Variants in FBXL13 observed in about 807,000 individuals in gnomAD.
FBXL13 encodes the protein F-box and leucine-rich repeat protein 13.
Under a neutral mutation model 83.6 loss-of-function variants are expected in FBXL13, and 67 were observed. The ratio of observed to expected loss-of-function variants is 0.80; its 90% CI spans 0.66 to 0.98. The LOEUF (loss-of-function observed/expected upper bound fraction) is 0.98, where lower values mean the gene tolerates loss of function less well. FBXL13 is among the 50% of genes least tolerant of loss of function. FBXL13 has a pLI of 0.00. For synonymous variants in FBXL13, 272 were observed against 299.5 expected (o/e 0.91, Z 0.95); for missense variants, 822 against 866.5 (o/e 0.95, Z 0.64).
intron 11 of FBXL13, among the ~76,000 whole-genome samples, chr7:102,885,788 T>G (rs561002240): frequency 6.0e-4 from 91 of 152,326 alleles, no homozygotes; most frequent in African/African-American, 2.1e-3. Flanking sequence ...TTTGTGTTAA[T>G]TTTTATACAT....
At chr7:103,028,512 T>G (rs932309398) in intron 4 of FBXL13, 88 bp downstream of exon 5, 13 of 913,572 alleles carry the variant, frequency 1.4e-5, no homozygotes, top group Non-Finnish European at 2.0e-5. Flanking sequence ...ATAGGTTCTC[T>G]AAGTACCCAA....
chr7:102,982,560 A>G (rs575771566), intron 6 of FBXL13, among the ~76,000 whole-genome samples: 1 of 152,292 alleles, frequency 6.6e-6, no homozygotes, highest in South Asian at 2.1e-4. Context: ...GGTAAAAACT[A>G]CAGTGTAACT....
intron 17 of FBXL13, among the ~76,000 whole-genome samples, chr7:102,839,034 GGT>G (rs1802479885): frequency 6.6e-6 from 1 of 152,192 alleles, no homozygotes. Flanking sequence ...GGCATGTCTT[GGT>G]ATAAAACCTG....
intron 8 of FBXL13, among the ~76,000 whole-genome samples, chr7:102,937,938 A>G (rs1820651917): frequency 6.6e-6 from 1 of 152,362 alleles, no homozygotes; most frequent in South Asian, 2.1e-4. Context: ...ACTTGCAATG[A>G]GTCAGATGGT....
Position 102,934,171 on chromosome 7 carries a change from G to A in FBXL13, c.725-2238C>T, listed in dbSNP as rs147093737. On this transcript the variant is annotated intron_variant, in intron 8 of 19. Coordinates refer to ENST00000313221, the Ensembl canonical transcript of FBXL13. ...GTTGGCCTCAGGATTTGCTGCACAT[G>A]CTGCTAGCAAGAAACAAGATCCGCA... The A allele has an allele frequency of 4.3e-4, 691 of 1,614,236 alleles. 5 individuals are homozygous for A. The African/African-American group carries it at 8.0e-3, about 19-fold the overall frequency.
chr7:102,830,265 C>G (rs183750996), intron 18 of FBXL13, among the ~76,000 whole-genome samples: 106 of 152,306 alleles, frequency 7.0e-4, no homozygotes, highest in African/African-American at 2.3e-3. Flanking sequence ...TGCACTGGAG[C>G]CTTTTCTTTT....
intron 7 of FBXL13, among the ~76,000 whole-genome samples, chr7:102,967,072 C>A (rs985506496): frequency 6.6e-6 from 1 of 151,918 alleles, no homozygotes; most frequent in Non-Finnish European, 1.5e-5. Flanking sequence ...CGGGTTCAAG[C>A]GATTCTCCTG....
At chr7:102,928,831 A>G (rs1818612432) in intron 9 of FBXL13, among the ~76,000 whole-genome samples, 1 of 152,246 alleles carries the variant, frequency 6.6e-6, no homozygotes, top group Non-Finnish European at 1.5e-5. Context: ...AAGATTTAAA[A>G]TCCTTCTTCA....
chr7:102,883,245 G>A, intron 14 of FBXL13, 60 bp downstream of exon 15: 3 of 1,481,324 alleles, frequency 2.0e-6, no homozygotes, highest in Non-Finnish European at 1.8e-6. Flanking sequence ...CCTTAGGAGA[G>A]AACCTGGCAC....
At position 103,038,302 on chromosome 7, in the gene FBXL13, G is replaced by A. The variant is rs543535378; in HGVS notation, c.1-8884C>T. Among the ~76,000 whole-genome samples, 4 of 152,326 alleles carry A rather than the reference G, an allele frequency of 2.6e-5. No individual in the cohort carries two copies. The South Asian group carries it at 8.3e-4, about 32-fold the overall frequency. ...GAGTAGCTCACAGTGTAAACAAAGA[G>A]GCCAGGAAGCACAAACTGGGCGGAG... On this transcript the variant is annotated intron_variant, in intron 2 of 19. Coordinates refer to ENST00000313221, the Ensembl canonical transcript of FBXL13.
rs571702562 is a variant in FBXL13 at position 102,847,878 on chromosome 7, G to A, written c.1719+6899C>T. ...TTTAAATACTGACCATCATCTATTG[G>A]TTTTAGCCTAGAAATGTATAATCAC... On this transcript the variant is annotated intron_variant, in intron 17 of 19. Coordinates refer to ENST00000313221, the Ensembl canonical transcript of FBXL13. Among the ~76,000 whole-genome samples, 28 of 152,028 alleles carry A rather than the reference G, an allele frequency of 1.8e-4. No homozygotes were observed. In the South Asian group the frequency reaches 5.6e-3, roughly 30 times the overall value.
intron 14 of FBXL13, among the ~76,000 whole-genome samples, chr7:102,879,277 C>T: frequency 6.6e-6 from 1 of 152,184 alleles, no homozygotes; most frequent in East Asian, 1.9e-4. Flanking sequence ...CATCCGTTTA[C>T]ACCCTCCGTT....
intron 2 of FBXL13, among the ~76,000 whole-genome samples, chr7:103,035,422 C>T (rs994071306): frequency 6.6e-6 from 1 of 152,158 alleles, no homozygotes; most frequent in African/African-American, 2.4e-5. Flanking sequence ...CACTGCTCTA[C>T]TAATATCCCA....
exon 1 of FBXL13, chr7:103,074,395 C>T: frequency 5.6e-6 from 6 of 1,079,080 alleles, no homozygotes; most frequent in South Asian, 2.5e-5. Flanking sequence ...ACTTCTTGTC[C>T]AAACCTTAAA....
intron 8 of FBXL13, among the ~76,000 whole-genome samples, chr7:102,953,278 C>T (rs563259400): frequency 3.3e-4 from 50 of 151,950 alleles, no homozygotes; most frequent in Non-Finnish European, 5.7e-4. Flanking sequence ...GAGAATCCAG[C>T]ACCATATTAA....
intron 11 of FBXL13, among the ~76,000 whole-genome samples, chr7:102,903,343 A>G (rs186021516): frequency 6.6e-6 from 1 of 152,216 alleles, no homozygotes; most frequent in African/African-American, 2.4e-5. Context: ...CAAATATAAG[A>G]TCGTATCATC....
At chr7:102,833,912 A>G (rs1167544964) in intron 17 of FBXL13, among the ~76,000 whole-genome samples, 1 of 151,942 alleles carries the variant, frequency 6.6e-6, no homozygotes, top group Non-Finnish European at 1.5e-5. Context: ...TGAGGAAATA[A>G]CACTTAAAAG....
chr7:102,831,896 C>A (rs1375103019), intron 18 of FBXL13, among the ~76,000 whole-genome samples: 22 of 152,126 alleles, frequency 1.4e-4, no homozygotes, highest in Non-Finnish European at 2.9e-5. Flanking sequence ...TATATTCAGT[C>A]TACTATTATT....
At position 102,968,042 on chromosome 7, in the gene FBXL13, G is replaced by C. The variant is rs571798458; in HGVS notation, c.571C>G (p.Leu191Val). The change falls in exon 7 of 20, where the codon CTA becomes GTA. Residue 191 changes from leucine to valine, a missense_variant. Coordinates refer to ENST00000313221, the Ensembl canonical transcript of FBXL13. The stretch of plus-strand genomic sequence containing the variant: ...CTTACAGCATTCCACAGTGAGTTTA[G>C]TTGTGTCATCAACATCCAGGCATGA... 1.2e-6 allele frequency: 2 copies of C among 1,613,296 alleles called. No individual in the cohort carries two copies. Among genetic ancestry groups the C allele is most frequent in the East Asian group, 2.2e-5 (1 of 44,864 alleles).
Sources: gnomAD v4.1 joint callset for allele counts (sites outside exome capture counted in the v4.1 genomes callset) on GRCh38, gnomAD v4.1.1 for gene constraint, MANE v1.5 for transcripts, NCBI Gene and HGNC (gene_info 2026-07-23, HGNC 2026-07-21) for gene names.